SLC5A2: variants seen among roughly 807,000 people sequenced by gnomAD.
The protein encoded by SLC5A2 is solute carrier family 5 member 2, also known as sodium/glucose cotransporter 2.
A neutral mutation model predicts 69.0 loss-of-function variants in SLC5A2; 67 were observed. That is an observed-to-expected ratio of 0.97 (90% CI 0.80 to 1.19). The LOEUF is 1.19. SLC5A2 is among the 50% of genes most tolerant of loss of function. The pLI, the probability that SLC5A2 is intolerant of heterozygous loss-of-function variation, is 0.00. For synonymous variants in SLC5A2, 455 were observed against 395.8 expected (o/e 1.15, Z -1.78); for missense variants, 1,001 against 921.5 (o/e 1.09, Z -1.12).
intron 6 of SLC5A2, 31 bp from the exon 7 acceptor site, chr16:31,487,497 TAA>T: frequency 6.2e-7 from 1 of 1,612,218 alleles, no homozygotes; most frequent in Non-Finnish European, 8.5e-7. Flanking sequence ...CTGAGGGTCC[TAA>T]GGAGGGTCCC....
rs201104779 is a variant in SLC5A2 at position 31,488,852 on chromosome 16, G to C, written c.1281-28G>C. The C allele has an allele frequency of 2.2e-5, 35 of 1,602,976 alleles. No homozygotes were observed. In the Middle Eastern group the frequency reaches 1.0e-3, roughly 47 times the overall value. ...GCACCTGCAGGGGAGCCCAGGGTCCGGGTTCGATCCGACGGCCTCCGCCGC... is the reference window on the plus strand; with the variant it reads ...GCACCTGCAGGGGAGCCCAGGGTCCCGGTTCGATCCGACGGCCTCCGCCGC... On this transcript the variant is annotated intron_variant, in intron 10 of 13. Transcript: ENST00000330498.
chr16:31,489,290 C>A lies in SLC5A2; in HGVS notation c.1617C>A (p.Leu539=). 6.2e-7 allele frequency: 1 copy of A among 1,610,732 alleles called. No individual in the cohort carries two copies. Residue 539 remains leucine (L), a synonymous_variant, in exon 12 of 14, where the codon CTC becomes CTA. Transcript: ENST00000330498. The part of the protein sequence containing the change: ...FAIVLFFCSG[L]LTLTVSLCTA... ...TTGTGCTGTTCTTCTGCTCTGGCCTCCTCACCCTCACGGTCTCCCTGTGCA... is the reference window on the plus strand; with the variant it reads ...TTGTGCTGTTCTTCTGCTCTGGCCTACTCACCCTCACGGTCTCCCTGTGCA...
In SLC5A2 at chr16:31,490,692, T is replaced by G; in HGVS notation, c.*157T>G. 1 of 1,110,508 alleles carries G rather than the reference T, an allele frequency of 9.0e-7. No homozygotes were observed. Among genetic ancestry groups the G allele is most frequent in the Non-Finnish European group, 1.3e-6 (1 of 743,836 alleles). The allele number at this position is 1,110,508 out of a possible 1,614,324, so 68.8% of individuals were successfully genotyped here. On this transcript the variant is annotated 3_prime_UTR_variant, in exon 14 of 14. Transcript: ENST00000330498. ...CTGCCTGGGGCCCACTGCATCTGAT[T>G]GGCAGTCACTTCCCATGAGGGCCTG...
chr16:31,490,467 C>G lies in SLC5A2; in HGVS notation c.1951C>G (p.Arg651Gly), dbSNP rs148924550. 72 of 1,613,852 alleles carry G rather than the reference C, an allele frequency of 4.5e-5. No individual in the cohort carries two copies. In the African/African-American group the frequency reaches 7.7e-4, roughly 17 times the overall value. The change falls in exon 14 of 14, where the codon CGT (arginine) becomes GGT (glycine). Residue 651 changes from arginine to glycine, a missense_variant. Coordinates refer to ENST00000330498, the MANE Select transcript of SLC5A2 (RefSeq NM_003041.4). Reference protein sequence around the residue: ...EDISEDPSWARVVNLNALLMM... With the variant: ...EDISEDPSWAGVVNLNALLMM... ...CATCAGCGAGGACCCGAGCTGGGCC[C>G]GTGTGGTCAACCTCAATGCCCTGCT...
At position 31,484,894 on chromosome 16, in the gene SLC5A2, G is replaced by T. The variant is rs1329481528; in HGVS notation, c.274G>T (p.Gly92Cys). 6.2e-7 allele frequency: 1 copy of T among 1,614,206 alleles called. No homozygotes were observed. The change falls in exon 3 of 14, where the codon GGC becomes TGC. Residue 92 changes from glycine (G) to cysteine (C), a missense_variant. By Grantham distance (159) the Gly-to-Cys change is radical. Transcript: ENST00000330498. ...CCTGGCAGGGACTGGCGCTGCAAGT[G>T]GCTTGGCTGTTGCTGGATTCGAGTG... ...VGLAGTGAASGLAVAGFEWNA... is the reference protein window; with the variant it reads ...VGLAGTGAASCLAVAGFEWNA...
At chr16:31,489,417 G>A in intron 12 of SLC5A2, 79 bp downstream of exon 12, 2 of 1,329,804 alleles carry the variant, frequency 1.5e-6, no homozygotes, top group Non-Finnish European at 2.1e-6. Flanking sequence ...CAGCTGGGAG[G>A]ACCTGAATTT....
rs11646054 is a variant in SLC5A2, at chr16:31,484,350, G to T, written c.127-323G>T. Among the ~76,000 whole-genome samples, 18 of 151,266 alleles carry T rather than the reference G, an allele frequency of 1.2e-4. No homozygotes were observed. In the East Asian group the frequency reaches 2.9e-3, roughly 24 times the overall value. The stretch of plus-strand genomic sequence containing the variant: ...GCATGAGAATTGCTTGAACCTGGGA[G>T]GTGGAGGTTGTAGTGAGCCAAAATC... On this transcript the variant is annotated intron_variant, in intron 1 of 13. Coordinates refer to ENST00000330498, the MANE Select transcript of SLC5A2 (RefSeq NM_003041.4).
intron 12 of SLC5A2, 39 bp downstream of exon 12, chr16:31,489,377 C>T (rs748269524): frequency 6.4e-7 from 1 of 1,562,772 alleles, no homozygotes; most frequent in Non-Finnish European, 8.7e-7. Flanking sequence ...CTGTGGGACA[C>T]AGCACCTACC....
Position 31,488,679 on chromosome 16 carries a change from C to T in SLC5A2, c.1187C>T (p.Ser396Phe). Residue 396 changes from serine (S) to phenylalanine (F), a missense_variant, in exon 10 of 14, where the codon TCC becomes TTC. Physicochemically the swap from Ser to Phe is radical, Grantham distance 155 (BLOSUM62 -2). Coordinates refer to ENST00000330498, the MANE Select transcript of SLC5A2 (RefSeq NM_003041.4). ...GCCGCGCTCATGTCCTCGCTGGCCT[C>T]CATCTTCAACAGCAGCAGCACGCTC... ...MLAALMSSLA[S>F]IFNSSSTLFT... 6.2e-7 allele frequency: 1 copy of T among 1,612,700 alleles called. No homozygotes were observed. Among genetic ancestry groups the T allele is most frequent in the Non-Finnish European group, 8.5e-7 (1 of 1,179,594 alleles).
chr16:31,487,269 C>G, intron 5 of SLC5A2, 51 bp from the exon 6 acceptor site: 1 of 1,570,944 alleles, frequency 6.4e-7, no homozygotes, highest in Non-Finnish European at 8.8e-7. Context: ...TTGCTAAGGC[C>G]AGCCTGTAAC....
In SLC5A2 at chr16:31,490,709, G is replaced by T; in HGVS notation, c.*174G>T. 1 of 1,207,958 alleles carries T rather than the reference G, an allele frequency of 8.3e-7. No individual in the cohort carries two copies. Among genetic ancestry groups the T allele is most frequent in the Non-Finnish European group, 1.2e-6 (1 of 828,308 alleles). 74.8% of individuals were successfully genotyped at this position (1,207,958 alleles called of 1,614,324 possible). On this transcript the variant is annotated 3_prime_UTR_variant, in exon 14 of 14. Transcript: ENST00000330498. Reference sequence around the variant, plus strand: ...CATCTGATTGGCAGTCACTTCCCATGAGGGCCTGGCCCACCCGCTGCAGTT... The same window carrying T: ...CATCTGATTGGCAGTCACTTCCCATTAGGGCCTGGCCCACCCGCTGCAGTT...
rs914857293 is a variant in SLC5A2, at chr16:31,485,628, C to T, written c.304-101C>T. On this transcript the variant is annotated intron_variant, in intron 3 of 13. Transcript: ENST00000330498. ...TTGTCCTCTGGGCCCCAGATGTGGC[C>T]CTTCCCAGGGCCACTTGCTTGGAGT... is the stretch of plus-strand genomic sequence containing the variant. 48 of 1,488,236 alleles carry T rather than the reference C, an allele frequency of 3.2e-5. No individual in the cohort carries two copies. The East Asian group carries it at 3.9e-4, about 12-fold the overall frequency. 92.2% of individuals were successfully genotyped at this position (1,488,236 alleles called of 1,614,324 possible). A position where few individuals can be genotyped will look rare whatever the true frequency, so the allele number is the denominator to read the frequency against.
intron 1 of SLC5A2, among the ~76,000 whole-genome samples, chr16:31,484,116 G>T (rs2082475933): frequency 6.6e-6 from 1 of 151,794 alleles, no homozygotes; most frequent in African/African-American, 2.4e-5. Flanking sequence ...GTGGGGCTGG[G>T]TGCGGTGGTT....
At chr16:31,489,431 G>C (rs546127783) in intron 12 of SLC5A2, 93 bp downstream of exon 12, 19 of 1,180,068 alleles carry the variant, frequency 1.6e-5, no homozygotes, top group Non-Finnish European at 1.8e-5. Flanking sequence ...TGAATTTCTC[G>C]ACTGAGGGTT....
chr16:31,488,890 GTGT>G lies in SLC5A2; in HGVS notation c.1293_1295del (p.Phe432del). ...CGGCCTCCGCCGCAGGCTCTGGGTG[GTGT>G]TCATCGTGGTAGTGTCGGTGGCCTG... On this transcript the variant is annotated inframe_deletion, in exon 11 of 14. Transcript: ENST00000330498. 1.2e-6 allele frequency: 2 copies of G among 1,605,440 alleles called. No individual in the cohort carries two copies. Among genetic ancestry groups the G allele is most frequent in the Non-Finnish European group, 1.7e-6 (2 of 1,179,854 alleles).
Position 31,490,107 on chromosome 16 carries a change from CA to C in SLC5A2, c.1670del (p.His557ProfsTer40), listed in dbSNP as rs1320269014. ...CTAPIPRKHL[H>X]RLVFSLRHSK... ...TTCGTGCTCCCACCCTCCCCAGCTC[CA>C]CCGCCTGGTCTTCAGTCTCCGGCAT... On this transcript the variant is annotated frameshift_variant, in exon 13 of 14. Transcript: ENST00000330498. LOFTEE classifies it high-confidence loss of function. 6.2e-7 allele frequency: 1 copy of C among 1,613,814 alleles called. No homozygotes were observed. Among genetic ancestry groups the C allele is most frequent in the South Asian group, 1.1e-5 (1 of 91,052 alleles).
chr16:31,485,872 G>A lies in SLC5A2; in HGVS notation c.447G>A (p.Leu149=), dbSNP rs1301769145. The stretch of plus-strand genomic sequence containing the variant: ...ACCTGTCTGTGCTCTCCCTTTTCCT[G>A]TACATCTTCACCAAGATCTCAGTGA... ...RLYLSVLSLF[L]YIFTKISVDM... The change falls in exon 4 of 14, where the codon CTG becomes CTA. Residue 149 remains leucine (L), a synonymous_variant. Transcript: ENST00000330498. 3 of 1,613,470 alleles carry A rather than the reference G, an allele frequency of 1.9e-6. No individual in the cohort carries two copies. Among genetic ancestry groups the A allele is most frequent in the African/African-American group, 2.7e-5 (2 of 74,938 alleles).
At chr16:31,486,656 A>G (rs1178681972) in intron 5 of SLC5A2, among the ~76,000 whole-genome samples, 1 of 152,188 alleles carries the variant, frequency 6.6e-6, no homozygotes, top group East Asian at 1.9e-4. Flanking sequence ...CAGAGTAGGC[A>G]GGGCTTGGTG....
chr16:31,484,522 C>T, intron 1 of SLC5A2, 151 bp from the exon 2 acceptor site: 1 of 808,478 alleles, frequency 1.2e-6, no homozygotes, highest in Admixed American at 1.8e-5. Context: ...CCCTGAGTGT[C>T]TGGGAGGAGT....
Sources: gnomAD v4.1 joint callset for allele counts (sites outside exome capture counted in the v4.1 genomes callset) on GRCh38, gnomAD v4.1.1 for gene constraint, MANE v1.5 for transcripts, NCBI Gene and HGNC (gene_info 2026-07-23, HGNC 2026-07-21) for gene names.